Variants in CTDP1 observed in about 807,000 individuals in gnomAD.
CTDP1 encodes the protein CTD phosphatase 1.
CTDP1 carries 47 observed loss-of-function variants against 91.8 expected under a neutral mutation model. The ratio of observed to expected loss-of-function variants is 0.51; its 90% CI spans 0.41 to 0.65. The LOEUF (loss-of-function observed/expected upper bound fraction) is 0.65, where lower values mean the gene tolerates loss of function less well. CTDP1 is among the 30% of genes least tolerant of loss of function. CTDP1 has a pLI of 0.00. For missense variants in CTDP1, 1,272 were observed against 1,373.7 expected (o/e 0.93, Z 1.17); for synonymous variants, 656 against 598.5 (o/e 1.10, Z -1.40).
chr18:79,753,948 G>C lies in CTDP1; in HGVS notation c.*158G>C. The C allele has an allele frequency of 9.3e-7, 1 of 1,069,642 alleles. No homozygotes were observed. Among genetic ancestry groups the C allele is most frequent in the South Asian group, 1.6e-5 (1 of 63,678 alleles). 66.3% of individuals were successfully genotyped at this position (1,069,642 alleles called of 1,614,324 possible). A position where few individuals can be genotyped will look rare whatever the true frequency, so the allele number is the denominator to read the frequency against. On this transcript the variant is annotated 3_prime_UTR_variant, in exon 13 of 13. Coordinates refer to ENST00000613122, the MANE Select transcript of CTDP1 (RefSeq NM_004715.5). ...AGAAACACATTATTTTGCAGAAATAGGTGTTTTTAAGAAGTTTTACTACAG... is the reference window on the plus strand; with the variant it reads ...AGAAACACATTATTTTGCAGAAATACGTGTTTTTAAGAAGTTTTACTACAG...
chr18:79,679,986 C>CTGTG lies in CTDP1; in HGVS notation c.39_40insTGTG (p.Ala14CysfsTer114). On this transcript the variant is annotated frameshift_variant, in exon 1 of 13. Coordinates refer to ENST00000613122, the MANE Select transcript of CTDP1 (RefSeq NM_004715.5). LOFTEE classifies it high-confidence loss of function. ...CCGCGGGTCGCGTTCCTGCCGAGGG[C>CTGTG]GCCCCGACGGCGGCTGTGGCCGAGG... 1.5e-6 allele frequency: 2 copies of CTGTG among 1,347,464 alleles called. No homozygotes were observed. The highest frequency in any genetic ancestry group is 1.9e-6 in the Non-Finnish European group (2 of 1,046,846). The allele number at this position is 1,347,464 out of a possible 1,614,324, so 83.5% of individuals were successfully genotyped here.
At chr18:79,733,680 A>G (rs1211394274) in intron 11 of CTDP1, among the ~76,000 whole-genome samples, 1 of 152,052 alleles carries the variant, frequency 6.6e-6, no homozygotes, top group African/African-American at 2.4e-5. Context: ...TCTGCTTCTC[A>G]TGCTCAGGAT....
Position 79,714,483 on chromosome 18 carries a change from A to C in CTDP1, c.1031-8A>C, listed in dbSNP as rs1052953522. On this transcript the variant is annotated splice_region_variant and splice_polypyrimidine_tract_variant and intron_variant, in intron 7 of 12. Transcript: ENST00000613122. ...TGCGGTAACTTTTCCTTTTGCATGC[A>C]TATTTAGTAAATCATTCTCGAGGCA... 6.2e-7 allele frequency: 1 copy of C among 1,613,066 alleles called. No individual in the cohort carries two copies. Among genetic ancestry groups the C allele is most frequent in the Middle Eastern group, 1.6e-4 (1 of 6,062 alleles).
Position 79,714,876 on chromosome 18 carries a change from C to T in CTDP1, c.1416C>T (p.Ser472=), listed in dbSNP as rs757610239. ...CCGAGGGCACGAAGTCCTCCTCCTC[C>T]GCCTCTGATGGCGAAAGCGAGGGGA... ...SESEGTKSSS[S]ASDGESEGKR... is the part of the protein sequence containing the mutation. The change falls in exon 8 of 13, where the codon TCC becomes TCT. Residue 472 remains serine (S), a synonymous_variant. Transcript: ENST00000613122. The T allele has an allele frequency of 3.5e-5, 55 of 1,581,450 alleles. No homozygotes were observed. The South Asian group carries it at 3.9e-4, about 11-fold the overall frequency.
chr18:79,690,263 C>T (rs1244362359), intron 1 of CTDP1, among the ~76,000 whole-genome samples: 1 of 152,138 alleles, frequency 6.6e-6, no homozygotes. Flanking sequence ...TGCCCTCGGA[C>T]CTCCCCTGAG....
Position 79,713,760 on chromosome 18 carries a change from CCAGATGGGTGGGGT to C in CTDP1, c.1030+626_1030+639del, listed in dbSNP as rs1342987087. 1.3e-5 allele frequency among the ~76,000 whole-genome samples: 2 copies of C among 152,164 alleles called. No individual in the cohort carries two copies. Among genetic ancestry groups the C allele is most frequent in the African/African-American group, 2.4e-5 (1 of 41,430 alleles). On this transcript the variant is annotated intron_variant, in intron 7 of 12. Coordinates refer to ENST00000613122, the MANE Select transcript of CTDP1 (RefSeq NM_004715.5). This position sits in a 1 kb window ranked among gnomAD's most constrained non-coding sequence, Gnocchi z 4.7. ...TTCCTGTAGAAGGTAGAGACTTTCA[CCAGATGGGTGGGGT>C]CAGCGTGGAGTTGCTGACTTCCTCC...
chr18:79,753,594 GTGACC>G, intron 12 of CTDP1, 53 bp from the exon 13 acceptor site: 2 of 1,613,626 alleles, frequency 1.2e-6, no homozygotes, highest in Middle Eastern at 3.3e-4. Context: ...AGACCAGGCG[GTGACC>G]CGGCGTTGTG....
chr18:79,682,710 G>A (rs1051700475), intron 1 of CTDP1, among the ~76,000 whole-genome samples: 12 of 152,270 alleles, frequency 7.9e-5, no homozygotes, highest in Admixed American at 2.0e-4. Context: ...GGTTGACTGC[G>A]GGACCTGAGT....
rs564612186 is a variant in CTDP1 at position 79,697,720 on chromosome 18, G to A, written c.493-140G>A. 53 of 1,289,588 alleles carry A rather than the reference G, an allele frequency of 4.1e-5. 1 individual carries two copies. The East Asian group carries it at 9.9e-4, about 24-fold the overall frequency. 79.9% of individuals were successfully genotyped at this position (1,289,588 alleles called of 1,614,324 possible). A position where few individuals can be genotyped will look rare whatever the true frequency, so the allele number is the denominator to read the frequency against. ...GTTGGTGACCCAGCCCTGCCTCTCG[G>A]CCTGTACGGCGCAGTCCATGGAGCG... On this transcript the variant is annotated intron_variant, in intron 3 of 12. Coordinates refer to ENST00000613122, the MANE Select transcript of CTDP1 (RefSeq NM_004715.5).
intron 5 of CTDP1, among the ~76,000 whole-genome samples, chr18:79,706,602 T>C (rs779851856): frequency 1.7e-4 from 26 of 152,360 alleles, no homozygotes; most frequent in South Asian, 1.0e-3. Context: ...TCTTAATATA[T>C]GTACAAGTTT....
chr18:79,741,862 G>A (rs2086784790), intron 12 of CTDP1, among the ~76,000 whole-genome samples: 1 of 152,196 alleles, frequency 6.6e-6, no homozygotes, highest in South Asian at 2.1e-4. Flanking sequence ...AACTAAGAAA[G>A]ATAATCTTTA....
chr18:79,747,629 C>T (rs537801107), intron 12 of CTDP1, among the ~76,000 whole-genome samples: 1 of 152,352 alleles, frequency 6.6e-6, no homozygotes, highest in East Asian at 1.9e-4. Context: ...GCCCCAACGC[C>T]GCTCTCACGC....
rs2086747341 is a variant in CTDP1, at chr18:79,740,189, C to G, written c.2747+3668C>G. Among the ~76,000 whole-genome samples the G allele has an allele frequency of 1.3e-5, 2 of 150,072 alleles. 1 individual carries two copies. The highest frequency in any genetic ancestry group is 4.9e-5 in the African/African-American group (2 of 40,846). On this transcript the variant is annotated intron_variant, in intron 12 of 12. Coordinates refer to ENST00000613122, the MANE Select transcript of CTDP1 (RefSeq NM_004715.5). ...CCGGGACGGGTGGGACTCTCATACCCACGGCCGGGACGGGTGGGACTCGGC... is the reference window on the plus strand; with the variant it reads ...CCGGGACGGGTGGGACTCTCATACCGACGGCCGGGACGGGTGGGACTCGGC...
intron 5 of CTDP1, among the ~76,000 whole-genome samples, chr18:79,709,723 C>T (rs536627417): frequency 9.2e-5 from 14 of 152,126 alleles, no homozygotes; most frequent in Admixed American, 5.9e-4. Flanking sequence ...CAGGCTTCCT[C>T]GATGTTGCCT....
intron 12 of CTDP1, among the ~76,000 whole-genome samples, chr18:79,742,935 C>T (rs143487495): frequency 5.3e-5 from 8 of 152,244 alleles, no homozygotes; most frequent in African/African-American, 1.9e-4. Flanking sequence ...CCGCCTGGGC[C>T]ACAGAGCAAG....
At position 79,704,163 on chromosome 18, in the gene CTDP1, G is replaced by A. The variant is rs1269614347; in HGVS notation, c.622-604G>A. Among the ~76,000 whole-genome samples the A allele has an allele frequency of 5.9e-5, 9 of 152,326 alleles. 1 individual carries two copies. The South Asian group carries it at 1.0e-3, about 18-fold the overall frequency. ...AAGGCCGCACTCACTCACTCGTACC[G>A]CGTGCATGGAAACTACTTACACAGT... On this transcript the variant is annotated intron_variant, in intron 4 of 12. Coordinates refer to ENST00000613122, the MANE Select transcript of CTDP1 (RefSeq NM_004715.5).
rs2086148957 is a variant in CTDP1, at chr18:79,714,355, A to G, written c.1031-136A>G. 3.0e-6 allele frequency: 3 copies of G among 992,896 alleles called. No homozygotes were observed. In the Middle Eastern group the frequency reaches 7.6e-4, roughly 253 times the overall value. The allele number at this position is 992,896 out of a possible 1,614,324, so 61.5% of individuals were successfully genotyped here. On this transcript the variant is annotated intron_variant, in intron 7 of 12. Coordinates refer to ENST00000613122, the MANE Select transcript of CTDP1 (RefSeq NM_004715.5). ...GGTGCTCACCCTGTCCGGCCTCTTC[A>G]CAGCAAGGTTGCCAAGGCCTGGTCT...
At chr18:79,712,321 G>C (rs187066761) in intron 6 of CTDP1, among the ~76,000 whole-genome samples, 1 of 152,120 alleles carries the variant, frequency 6.6e-6, no homozygotes, top group Non-Finnish European at 1.5e-5. Flanking sequence ...TGGCTCGGTC[G>C]CCCAGGCTTA....
intron 7 of CTDP1, among the ~76,000 whole-genome samples, chr18:79,714,129 T>C (rs1383480627): frequency 6.6e-6 from 1 of 152,186 alleles, no homozygotes; most frequent in Admixed American, 6.5e-5. Flanking sequence ...CCTCTAGTTG[T>C]CCTTACAGGT....
Sources: gnomAD v4.1 joint callset for allele counts (sites outside exome capture counted in the v4.1 genomes callset) on GRCh38, gnomAD v4.1.1 for gene constraint, Gnocchi (gnomAD v3.1) non-coding constraint, MANE v1.5 for transcripts, NCBI Gene and HGNC (gene_info 2026-07-23, HGNC 2026-07-21) for gene names.